The following NRXN1 variants were observed in gnomAD, a reference collection of about 807,000 sequenced individuals.
NRXN1 encodes the protein neurexin-1.
A neutral mutation model predicts 150.9 loss-of-function variants in NRXN1; 39 were observed. The observed-to-expected ratio is 0.26, with a 90% CI of 0.20 to 0.34. The LOEUF (loss-of-function observed/expected upper bound fraction) is 0.34, where lower values mean the gene tolerates loss of function less well. NRXN1 is among the 10% of genes least tolerant of loss of function. The probability of loss-of-function intolerance (pLI) is 1.00; values close to 1 mark genes in which losing one functional copy is unlikely to be tolerated. For synonymous variants in NRXN1, 924 were observed against 757.0 expected, an observed-to-expected ratio of 1.22 and a Z score of -3.62; for missense variants, 1,815 against 1,949.9, an observed-to-expected ratio of 0.93 and a Z score of 1.30.
intron 19 of NRXN1, among the ~76,000 whole-genome samples, chr2:50,084,585 C>G (rs1057189609): frequency 6.6e-6 from 1 of 152,174 alleles, no homozygotes; most frequent in African/African-American, 2.4e-5. Context: ...CCGCCCGTGC[C>G]TCTCCCTCCA....
intron 17 of NRXN1, among the ~76,000 whole-genome samples, chr2:50,373,669 A>G (rs1361793075): frequency 0.066 from 7,382 of 112,200 alleles, 203 homozygotes; most frequent in East Asian, 0.11. Context: ...AAAGAAAGAA[A>G]GAAAGAAAGA....
chr2:49,959,602 T>C (rs1037824049), intron 21 of NRXN1, among the ~76,000 whole-genome samples: 3 of 152,228 alleles, frequency 2.0e-5, no homozygotes, highest in African/African-American at 4.8e-5. Flanking sequence ...TGGACTGTAC[T>C]ATTTAGAGCT....
At chr2:50,656,213 C>G (rs1019137492) in intron 5 of NRXN1, 1 of 545,612 alleles carries the variant, frequency 1.8e-6, no homozygotes, top group Non-Finnish European at 3.4e-6. Flanking sequence ...CACACAAAAG[C>G]AAAGTGATCT....
chr2:50,092,269 T>C (rs956076453), intron 18 of NRXN1, among the ~76,000 whole-genome samples: 5 of 152,232 alleles, frequency 3.3e-5, no homozygotes, highest in African/African-American at 1.2e-4. Context: ...AAGTTGTTGC[T>C]GTTAACTTTA....
At chr2:50,320,821 T>G (rs1372190624) in intron 17 of NRXN1, among the ~76,000 whole-genome samples, 1 of 152,168 alleles carries the variant, frequency 6.6e-6, no homozygotes, top group Admixed American at 6.5e-5. Flanking sequence ...GAAGTCTGGC[T>G]GTTTCATTCA....
intron 12 of NRXN1, among the ~76,000 whole-genome samples, chr2:50,507,579 A>C (rs1266444894): frequency 6.7e-6 from 1 of 149,944 alleles, no homozygotes; most frequent in Non-Finnish European, 1.5e-5. Context: ...ATATTATTTC[A>C]GAAAGGTGTT....
chr2:50,236,944 C>T lies in NRXN1; in HGVS notation c.3391G>A (p.Gly1131Ser). Residue 1131 changes from glycine to serine, a missense_variant, in exon 18 of 23, where the codon GGT becomes AGT. Gly to Ser is a moderately conservative substitution (Grantham distance 56). Coordinates refer to ENST00000401669, the MANE Select transcript of NRXN1 (RefSeq NM_001330078.2). The part of the protein sequence containing the change: ...DPGTTYIFSK[G>S]GGQITYKWPP... ...CACTTATACGTGATTTGTCCACCAC[C>T]TTTGCTAAAGATATATGTCGTCCCA... 2 of 1,613,274 alleles carry T rather than the reference C, an allele frequency of 1.2e-6. No individual in the cohort carries two copies. The highest frequency in any genetic ancestry group is 8.5e-7 in the Non-Finnish European group (1 of 1,179,548).
Position 50,155,863 on chromosome 2 carries a change from C to T in NRXN1, c.3547-64369G>A, listed in dbSNP as rs546664294. Among the ~76,000 whole-genome samples the T allele has an allele frequency of 4.0e-5, 6 of 151,578 alleles. No homozygotes were observed. In the South Asian group the frequency reaches 1.0e-3, roughly 26 times the overall value. Reference sequence around the variant, plus strand: ...GAGCAAAAAACTATGAGACAGTACACACATTTCTACTGTTTAAAAAAAAGT... The same window carrying T: ...GAGCAAAAAACTATGAGACAGTACATACATTTCTACTGTTTAAAAAAAAGT... On this transcript the variant is annotated intron_variant, in intron 18 of 22. Transcript: ENST00000401669.
intron 8 of NRXN1, among the ~76,000 whole-genome samples, chr2:50,554,725 T>C (rs1667989584): frequency 6.6e-6 from 1 of 152,168 alleles, no homozygotes; most frequent in Admixed American, 6.5e-5. Flanking sequence ...AGCCCACACA[T>C]ATAATTGGTT....
chr2:50,547,873 G>T (rs1448898633), intron 9 of NRXN1, among the ~76,000 whole-genome samples: 1 of 152,064 alleles, frequency 6.6e-6, no homozygotes, highest in African/African-American at 2.4e-5. Flanking sequence ...TGCACATAAA[G>T]AACAGCTATA....
intron 17 of NRXN1, among the ~76,000 whole-genome samples, chr2:50,373,601 GAGAA>G (rs1476091127): frequency 6.7e-5 from 9 of 134,006 alleles, no homozygotes; most frequent in Non-Finnish European, 9.6e-5. Context: ...GAAAGAGAGA[GAGAA>G]AGAAAGAGAG....
intron 21 of NRXN1, among the ~76,000 whole-genome samples, chr2:50,014,127 A>G (rs1420365465): frequency 2.0e-5 from 3 of 151,724 alleles, no homozygotes; most frequent in African/African-American, 7.3e-5. Context: ...TGTTTTTAGA[A>G]ATGAGTATGG....
In NRXN1 at chr2:50,531,325, C is replaced by T. The variant is rs200776618; in HGVS notation, c.2249G>A (p.Arg750His). The stretch of plus-strand genomic sequence containing the variant: ...GGTTGCCATCAGAATGCCATATGCA[C>T]GCTGGGATCGGAACCGTAAGGAAAC... ...EDVSLRFRSQRAYGILMATTS... is the reference protein window; with the variant it reads ...EDVSLRFRSQHAYGILMATTS... The change falls in exon 11 of 23, where the codon CGT becomes CAT. Residue 750 changes from arginine (R) to histidine (H), a missense_variant. Arg to His is a conservative substitution (Grantham distance 29). Coordinates refer to ENST00000401669, the MANE Select transcript of NRXN1 (RefSeq NM_001330078.2). The T allele has an allele frequency of 8.7e-6, 14 of 1,613,384 alleles. No individual in the cohort carries two copies. Among genetic ancestry groups the T allele is most frequent in the Middle Eastern group, 1.6e-4 (1 of 6,080 alleles).
intron 19 of NRXN1, among the ~76,000 whole-genome samples, chr2:50,086,349 C>T (rs1162742249): frequency 2.0e-5 from 3 of 152,024 alleles, no homozygotes; most frequent in Non-Finnish European, 4.4e-5. Context: ...TTCCTGAGCC[C>T]TGAAATATTT....
chr2:50,772,900 C>T (rs148254301), intron 5 of NRXN1, among the ~76,000 whole-genome samples: 2,845 of 152,152 alleles, frequency 0.019, 42 homozygotes, highest in Non-Finnish European at 0.028. Flanking sequence ...GGTGGCTAAA[C>T]TCAATGCCCT....
intron 17 of NRXN1, among the ~76,000 whole-genome samples, chr2:50,351,256 G>T (rs531262163): frequency 5.3e-5 from 8 of 152,250 alleles, no homozygotes; most frequent in African/African-American, 1.7e-4. Context: ...ATTCAGCACA[G>T]ACAGTGCGAT....
intron 5 of NRXN1, among the ~76,000 whole-genome samples, chr2:50,719,956 T>A (rs556745431): frequency 8.5e-5 from 13 of 152,294 alleles, no homozygotes; most frequent in African/African-American, 3.1e-4. Flanking sequence ...GAGAGAGCCA[T>A]CAACTATGCC....
chr2:50,951,510 A>G (rs1029134416), intron 2 of NRXN1, among the ~76,000 whole-genome samples: 1 of 152,168 alleles, frequency 6.6e-6, no homozygotes, highest in African/African-American at 2.4e-5. Flanking sequence ...ATAGTTCACT[A>G]ATTTTTTTTC....
chr2:49,979,496 TCTC>T (rs1228159837), intron 21 of NRXN1, among the ~76,000 whole-genome samples: 1 of 123,964 alleles, frequency 8.1e-6, no homozygotes, highest in Non-Finnish European at 1.8e-5. Context: ...CCTTGAGTAT[TCTC>T]CTTTCAGAAG....
Sources: allele counts gnomAD v4.1 joint callset (sites outside exome capture counted in the v4.1 genomes callset), GRCh38; gene constraint gnomAD v4.1.1; transcripts MANE v1.5; gene names NCBI Gene and HGNC (gene_info 2026-07-23, HGNC 2026-07-21).